LIPI: variants seen among roughly 807,000 people sequenced by gnomAD.
The protein encoded by LIPI is lipase I.
A neutral mutation model predicts 50.6 loss-of-function variants in LIPI; 59 were observed. The observed-to-expected ratio is 1.16, with a 90% CI of 0.94 to 1.45. The LOEUF (loss-of-function observed/expected upper bound fraction) is 1.45. LIPI is among the 40% of genes most tolerant of loss of function. The probability of loss-of-function intolerance (pLI) is 0.00; values close to 1 mark genes in which losing one functional copy is unlikely to be tolerated. For synonymous variants in LIPI, 203 were observed against 178.2 expected (o/e 1.14, Z -1.11); for missense variants, 586 against 536.3 (o/e 1.09, Z -0.92).
At chr21:14,181,966 T>C (rs2019288259) in intron 3 of LIPI, 107 bp from the exon 4 acceptor site, 1 of 707,798 alleles carries the variant, frequency 1.4e-6, no homozygotes. Flanking sequence ...TTTATACTTT[T>C]AGTTTAAACC....
At chr21:14,174,936 T>C (rs1053005636) in intron 4 of LIPI, among the ~76,000 whole-genome samples, 6 of 152,266 alleles carry the variant, frequency 3.9e-5, no homozygotes, top group Non-Finnish European at 7.3e-5. Context: ...ATGAACTTAC[T>C]CATATTTTAT....
intron 9 of LIPI, among the ~76,000 whole-genome samples, chr21:14,139,264 T>G (rs2017616365): frequency 6.6e-6 from 1 of 152,162 alleles, no homozygotes; most frequent in Non-Finnish European, 1.5e-5. Context: ...TTCCAGTATA[T>G]GTATACAATT....
At chr21:14,126,448 C>T (rs1020848297) in intron 9 of LIPI, among the ~76,000 whole-genome samples, 2 of 151,990 alleles carry the variant, frequency 1.3e-5, no homozygotes, top group Non-Finnish European at 2.9e-5. Context: ...TTTAAAAGAC[C>T]TCATGCTACA....
chr21:14,154,371 T>C (rs550754137), intron 7 of LIPI, among the ~76,000 whole-genome samples: 1 of 152,032 alleles, frequency 6.6e-6, no homozygotes, highest in East Asian at 1.9e-4. Context: ...ATAAGGACAT[T>C]TTCAGGAAAG....
chr21:14,118,726 C>G (rs146404948), intron 9 of LIPI, among the ~76,000 whole-genome samples: 1 of 152,192 alleles, frequency 6.6e-6, no homozygotes, highest in South Asian at 2.1e-4. Flanking sequence ...GGGCAGAGGA[C>G]AGTCCCCCGG....
At chr21:14,146,052 T>C (rs1383134857) in intron 8 of LIPI, among the ~76,000 whole-genome samples, 1 of 152,134 alleles carries the variant, frequency 6.6e-6, no homozygotes, top group Non-Finnish European at 1.5e-5. Context: ...ATTCAACATA[T>C]CCAGATAGGA....
At chr21:14,128,069 T>G (rs1432917737) in intron 9 of LIPI, among the ~76,000 whole-genome samples, 1 of 152,108 alleles carries the variant, frequency 6.6e-6, no homozygotes, top group East Asian at 1.9e-4. Context: ...TGTGTTCACC[T>G]TGTTTTTTAT....
chr21:14,168,936 A>G (rs1354607585), intron 4 of LIPI, among the ~76,000 whole-genome samples: 1 of 151,336 alleles, frequency 6.6e-6, no homozygotes, highest in African/African-American at 2.4e-5. Context: ...TAAAGAGTCA[A>G]GACCCATCAG....
At chr21:14,140,828 T>C (rs1367169695) in intron 9 of LIPI, among the ~76,000 whole-genome samples, 1 of 152,132 alleles carries the variant, frequency 6.6e-6, no homozygotes, top group East Asian at 1.9e-4. Flanking sequence ...CATAAAGCTG[T>C]GAACATTACA....
At chr21:14,203,856 G>A (rs400748) in intron 1 of LIPI, among the ~76,000 whole-genome samples, 4 of 151,158 alleles carry the variant, frequency 2.6e-5, no homozygotes, top group African/African-American at 4.9e-5. Flanking sequence ...ATAATAAAAA[G>A]AGAAAGAAAG....
intron 9 of LIPI, among the ~76,000 whole-genome samples, chr21:14,130,040 G>T (rs190352998): frequency 6.6e-6 from 1 of 152,186 alleles, no homozygotes; most frequent in East Asian, 1.9e-4. Flanking sequence ...GACAGTGGAG[G>T]AAACATTTTA....
chr21:14,108,893 G>C lies in LIPI; in HGVS notation c.*100C>G, dbSNP rs963693757. ...TTTTTTCCAAGAAATAGAAATACTT[G>C]AATCTCAAATTGAACAGTGCATTAT... On this transcript the variant is annotated 3_prime_UTR_variant, in exon 10 of 10. Transcript: ENST00000681601. The C allele has an allele frequency of 5.7e-6, 8 of 1,410,630 alleles. No individual in the cohort carries two copies. In the African/African-American group the frequency reaches 1.1e-4, roughly 20 times the overall value. The allele number at this position is 1,410,630 out of a possible 1,614,324, so 87.4% of individuals were successfully genotyped here.
rs145166585 is a variant in LIPI at position 14,166,176 on chromosome 21, T to C, written c.733+186A>G. 7.6e-3 allele frequency among the ~76,000 whole-genome samples: 1,157 copies of C among 152,304 alleles called. 10 individuals carry two copies. The highest frequency in any genetic ancestry group is 0.018 in the African/African-American group (748 of 41,578). On this transcript the variant is annotated intron_variant, in intron 5 of 9. Coordinates refer to ENST00000681601, the MANE Select transcript of LIPI (RefSeq NM_001302998.2). ...GGTCTCATCCATGACCTAATGGATG[T>C]CTACTGGTAACCTTTATGAACTAAG...
chr21:14,149,554 C>G (rs559998481), intron 8 of LIPI, among the ~76,000 whole-genome samples: 1 of 152,290 alleles, frequency 6.6e-6, no homozygotes, highest in East Asian at 1.9e-4. Context: ...TCCAAAGTCT[C>G]ATTTGAGACA....
chr21:14,203,801 G>A (rs1471693634), intron 1 of LIPI, among the ~76,000 whole-genome samples: 1 of 151,702 alleles, frequency 6.6e-6, no homozygotes, highest in Non-Finnish European at 1.5e-5. Context: ...GTATACATAT[G>A]TAACTAACCT....
At position 14,206,671 on chromosome 21, in the gene LIPI, A is replaced by C. The variant is rs1398452577; in HGVS notation, c.46+4129T>G. 6.7e-6 allele frequency: 4 copies of C among 596,990 alleles called. No individual in the cohort carries two copies. In the Admixed American group the frequency reaches 8.6e-5, roughly 13 times the overall value. The allele number at this position is 596,990 out of a possible 1,614,324, so 37.0% of individuals were successfully genotyped here. ...CTCTTTCCTCATTTCTGGAAAAAAA[A>C]CGGATTTGTTAACAACAACAATATT... On this transcript the variant is annotated intron_variant, in intron 1 of 9. Transcript: ENST00000681601.
At chr21:14,163,773 A>T (rs2018578491) in intron 6 of LIPI, among the ~76,000 whole-genome samples, 1 of 152,014 alleles carries the variant, frequency 6.6e-6, no homozygotes. Context: ...AGCATACTCC[A>T]TCCGTATGGC....
intron 9 of LIPI, among the ~76,000 whole-genome samples, chr21:14,136,705 C>G (rs535161179): frequency 2.0e-5 from 3 of 152,180 alleles, no homozygotes; most frequent in South Asian, 2.1e-4. Flanking sequence ...TGTAGAACAC[C>G]AGGGCCTTGA....
chr21:14,110,854 T>C (rs2016379785), intron 9 of LIPI, among the ~76,000 whole-genome samples: 1 of 125,704 alleles, frequency 8.0e-6, no homozygotes, highest in South Asian at 3.3e-4. Flanking sequence ...TATAGATCTC[T>C]ATCTATCTAT....
Sources: allele counts gnomAD v4.1 joint callset (sites outside exome capture counted in the v4.1 genomes callset), GRCh38; gene constraint gnomAD v4.1.1; transcripts MANE v1.5; gene names NCBI Gene and HGNC (gene_info 2026-07-23, HGNC 2026-07-21).